The following IRF6 variants were observed in gnomAD, a reference collection of about 807,000 sequenced individuals.
IRF6 encodes the protein Van der Woude syndrome.
IRF6 carries 6 observed loss-of-function variants against 51.4 expected under a neutral mutation model. The observed-to-expected ratio is 0.12, with a 90% confidence interval of 0.06 to 0.23. The LOEUF is 0.23. Among genes scored for constraint, IRF6 ranks in the 10% least tolerant of loss-of-function variants. The pLI is 1.00. For missense variants in IRF6, 348 were observed against 585.2 expected, an observed-to-expected ratio of 0.59 and a Z score of 4.18; for synonymous variants, 178 against 215.7, an observed-to-expected ratio of 0.83 and a Z score of 1.53.
intron 6 of IRF6, 117 bp downstream of exon 6, chr1:209,792,152 G>A: frequency 9.2e-7 from 1 of 1,088,712 alleles, no homozygotes; most frequent in South Asian, 1.3e-5. Context: ...AACAGAGGAT[G>A]CCTCTGAGAC....
At chr1:209,797,558 C>G (rs556197246) in intron 3 of IRF6, among the ~76,000 whole-genome samples, 1 of 152,226 alleles carries the variant, frequency 6.6e-6, no homozygotes, top group East Asian at 1.9e-4. Flanking sequence ...GTCAACCACA[C>G]CAGTGGCTGG....
chr1:209,796,634 A>AACAC lies in IRF6; in HGVS notation c.175-86_175-83dup, dbSNP rs3028134. 0.21 allele frequency: 124,039 copies of AACAC among 577,102 alleles called. 5,706 individuals are homozygous for AACAC. Among genetic ancestry groups the AACAC allele is most frequent in the Middle Eastern group, 0.26 (544 of 2,068 alleles). 35.7% of individuals were successfully genotyped at this position (577,102 alleles called of 1,614,324 possible). On this transcript the variant is annotated intron_variant, in intron 3 of 8. Coordinates refer to ENST00000367021, the MANE Select transcript of IRF6 (RefSeq NM_006147.4). The surrounding 1 kb of genome is among the most constrained non-coding windows in gnomAD (Gnocchi z 4.5). The stretch of plus-strand genomic sequence containing the variant: ...GTGCTTACCCTTTCTCATAGACACA[A>AACAC]ACACACACACACACACACACACACA...
At chr1:209,805,675 C>G (rs374909008) in intron 1 of IRF6, among the ~76,000 whole-genome samples, 2 of 152,116 alleles carry the variant, frequency 1.3e-5, no homozygotes, top group South Asian at 4.1e-4. Context: ...TGTTGACGGC[C>G]GAGAGCAGTG....
At chr1:209,798,366 T>C (rs531972701) in intron 3 of IRF6, among the ~76,000 whole-genome samples, 1 of 152,336 alleles carries the variant, frequency 6.6e-6, no homozygotes, top group East Asian at 1.9e-4. Context: ...ATTTGTTTGA[T>C]CCTCTGTGTG....
chr1:209,791,425 G>GC (rs1225505924), intron 6 of IRF6, among the ~76,000 whole-genome samples: 3 of 152,168 alleles, frequency 2.0e-5, no homozygotes, highest in Non-Finnish European at 2.9e-5. Flanking sequence ...GAACCCAATA[G>GC]CCCCTATCAA....
intron 5 of IRF6, among the ~76,000 whole-genome samples, chr1:209,794,718 C>T (rs979395839): frequency 1.3e-5 from 2 of 152,224 alleles, no homozygotes; most frequent in African/African-American, 4.8e-5. Context: ...TCAGTACCTG[C>T]TCTGTCACAC....
intron 3 of IRF6, among the ~76,000 whole-genome samples, chr1:209,799,808 G>C (rs138817477): frequency 2.0e-3 from 300 of 152,280 alleles, no homozygotes; most frequent in African/African-American, 6.9e-3. Context: ...CTGGTTTATA[G>C]GTACTAACCT....
At position 209,803,867 on chromosome 1, in the gene IRF6, TG is replaced by T. The variant is rs79466961; in HGVS notation, c.-75-1825del. On this transcript the variant is annotated intron_variant, in intron 1 of 8. Transcript: ENST00000367021. ...AGGAAATGTTTACAATATGAAGTTG[TG>T]GGGGCAGGGGGAAACAGCATACAAC... Among the ~76,000 whole-genome samples the T allele has an allele frequency of 1.9e-3, 256 of 132,864 alleles. 3 individuals are homozygous for T. The East Asian group carries it at 0.053, about 27-fold the overall frequency. 87.2% of individuals were successfully genotyped at this position (132,864 alleles called of 152,430 possible).
chr1:209,789,553 T>G, intron 8 of IRF6, 114 bp downstream of exon 8: 48 of 803,920 alleles, frequency 6.0e-5, no homozygotes, highest in Non-Finnish European at 8.2e-5. Context: ...CCCCATCTGA[T>G]GAGACTGAAA....
rs1226478917 is a variant in IRF6 at position 209,792,270 on chromosome 1, T to C, written c.666A>G (p.Pro222=). 3 of 1,613,774 alleles carry C rather than the reference T, an allele frequency of 1.9e-6. No individual in the cohort carries two copies. Among genetic ancestry groups the C allele is most frequent in the Non-Finnish European group, 2.5e-6 (3 of 1,179,770 alleles). The change falls in exon 6 of 9, where the codon CCA becomes CCG. Residue 222 remains proline (P), a splice_region_variant and synonymous_variant. Transcript: ENST00000367021. ...CAAGAAAGATAAAGTCTCACTTACTTGGGAGAGAGCTGATCCACAGTTCTG... is the reference window on the plus strand; with the variant it reads ...CAAGAAAGATAAAGTCTCACTTACTCGGGAGAGAGCTGATCCACAGTTCTG... ...SSPELWISSL[P]MTDLDIKFQY...
rs1458825407 is a variant in IRF6, at chr1:209,790,360, C to T, written c.1060+135G>A. 9 of 1,011,190 alleles carry T rather than the reference C, an allele frequency of 8.9e-6. No homozygotes were observed. The Admixed American group carries it at 1.8e-4, about 20-fold the overall frequency. 62.6% of individuals were successfully genotyped at this position (1,011,190 alleles called of 1,614,324 possible). A position where few individuals can be genotyped will look rare whatever the true frequency, so the allele number is the denominator to read the frequency against. On this transcript the variant is annotated intron_variant, in intron 7 of 8. Coordinates refer to ENST00000367021, the MANE Select transcript of IRF6 (RefSeq NM_006147.4). This position sits in a 1 kb window ranked among gnomAD's most constrained non-coding sequence, Gnocchi z 4.8. ...TTTTAGAACCAAAGTTCTGTTCTCC[C>T]TTGACCTCCTCCAGACTAAATTTTT...
intron 1 of IRF6, among the ~76,000 whole-genome samples, chr1:209,804,980 A>T (rs543813949): frequency 6.6e-6 from 1 of 152,120 alleles, no homozygotes; most frequent in Non-Finnish European, 1.5e-5. Context: ...AGCCCTGCTT[A>T]GGGGTAAACT....
intron 5 of IRF6, 126 bp downstream of exon 5, chr1:209,795,164 C>G: frequency 8.9e-7 from 1 of 1,123,610 alleles, no homozygotes; most frequent in Admixed American, 1.7e-5. Context: ...TGCTAACAGT[C>G]CAGCAGTCTG....
At chr1:209,793,386 C>T (rs1265520861) in intron 5 of IRF6, among the ~76,000 whole-genome samples, 2 of 152,112 alleles carry the variant, frequency 1.3e-5, no homozygotes, top group Non-Finnish European at 2.9e-5. Context: ...CATAAGGACA[C>T]ACAAATATTA....
At chr1:209,800,595 G>GA (rs1038530188) in intron 3 of IRF6, among the ~76,000 whole-genome samples, 3 of 151,836 alleles carry the variant, frequency 2.0e-5, no homozygotes, top group African/African-American at 7.3e-5. Context: ...CGTCTCTACA[G>GA]AAAAAATACA....
intron 3 of IRF6, among the ~76,000 whole-genome samples, chr1:209,798,169 G>A (rs1219450574): frequency 2.0e-5 from 3 of 151,840 alleles, no homozygotes; most frequent in Non-Finnish European, 2.9e-5. Flanking sequence ...TTGTGGTATG[G>A]AATGAAGAAG....
intron 5 of IRF6, 146 bp from the exon 6 acceptor site, chr1:209,792,573 A>T: frequency 2.6e-6 from 2 of 767,490 alleles, no homozygotes; most frequent in Non-Finnish European, 4.3e-6. Context: ...AGTGATTCCC[A>T]TAACTAACGC....
At chr1:209,800,827 GT>G (rs2077936377) in intron 3 of IRF6, among the ~76,000 whole-genome samples, 2 of 152,108 alleles carry the variant, frequency 1.3e-5, no homozygotes. Flanking sequence ...GCTATACTGC[GT>G]GCCTGCTAAC....
In IRF6 at chr1:209,801,281, G is replaced by T. The variant is rs774307404; in HGVS notation, c.133C>A (p.Arg45=). Reference sequence around the variant, plus strand: ...TCCTCTTCTTGTTGAGGGCTATGCCGGGTGGCATGTTTCCAGGGAATCTGG... The same window carrying T: ...TCCTCTTCTTGTTGAGGGCTATGCCTGGTGGCATGTTTCCAGGGAATCTGG... ...RFQIPWKHAT[R]HSPQQEEENT... is the part of the protein sequence containing the mutation. The change falls in exon 3 of 9, where the codon CGG becomes AGG. Residue 45 remains arginine, a synonymous_variant. Coordinates refer to ENST00000367021, the MANE Select transcript of IRF6 (RefSeq NM_006147.4). 6.2e-7 allele frequency: 1 copy of T among 1,613,934 alleles called. No homozygotes were observed. The highest frequency in any genetic ancestry group is 1.7e-5 in the Admixed American group (1 of 60,004).
Sources: allele counts gnomAD v4.1 joint callset (sites outside exome capture counted in the v4.1 genomes callset), GRCh38; gene constraint gnomAD v4.1.1; non-coding constraint Gnocchi (gnomAD v3.1); transcripts MANE v1.5; gene names NCBI Gene and HGNC (gene_info 2026-07-23, HGNC 2026-07-21).